The following SLC1A2 variants were observed in gnomAD, a reference collection of about 807,000 sequenced individuals.
The protein encoded by SLC1A2 is solute carrier family 1 member 2.
Under a neutral mutation model 48.8 loss-of-function variants are expected in SLC1A2, and 15 were observed. The ratio of observed to expected loss-of-function variants is 0.31; its 90% CI spans 0.21 to 0.47. The LOEUF (loss-of-function observed/expected upper bound fraction) is 0.47, where lower values mean the gene tolerates loss of function less well. SLC1A2 is among the 20% of genes least tolerant of loss of function. The probability of loss-of-function intolerance (pLI) is 0.99; values close to 1 mark genes in which losing one functional copy is unlikely to be tolerated. For missense variants in SLC1A2, 502 were observed against 730.5 expected (o/e 0.69, Z 3.61); for synonymous variants, 279 against 272.6 (o/e 1.02, Z -0.23).
intron 1 of SLC1A2, among the ~76,000 whole-genome samples, chr11:35,335,595 T>C (rs1740861637): frequency 6.6e-6 from 1 of 152,214 alleles, no homozygotes; most frequent in Admixed American, 6.5e-5. Context: ...AATGTGAGGC[T>C]TCATTTTTTG....
chr11:35,290,648 G>A (rs1479733021), intron 7 of SLC1A2, among the ~76,000 whole-genome samples: 1 of 149,012 alleles, frequency 6.7e-6, no homozygotes, highest in Non-Finnish European at 1.5e-5. Context: ...TATGAGCCTG[G>A]TATGAGATAA....
intron 1 of SLC1A2, among the ~76,000 whole-genome samples, chr11:35,357,923 G>A (rs1853541431): frequency 6.6e-6 from 1 of 152,208 alleles, no homozygotes; most frequent in Admixed American, 6.5e-5. Flanking sequence ...AAGGTGTGCA[G>A]ATCACCAGGT....
At position 35,306,229 on chromosome 11, in the gene SLC1A2, G is replaced by A. The variant is rs146728719; in HGVS notation, c.575C>T (p.Thr192Met). ...CGGTGGTGCAACCAGGACTTTCTTC[G>A]TCACTGTTTGAATCTAACAGAGTGA... is the stretch of plus-strand genomic sequence containing the variant. ...QACFQQIQTV[T>M]KKVLVAPPPD... is the part of the protein sequence containing the mutation. The change falls in exon 5 of 11, where the codon ACG becomes ATG. Residue 192 changes from threonine (T) to methionine (M), a missense_variant. Coordinates refer to ENST00000278379, the MANE Select transcript of SLC1A2 (RefSeq NM_004171.4). 17 of 1,613,020 alleles carry A rather than the reference G, an allele frequency of 1.1e-5. No homozygotes were observed. Among genetic ancestry groups the A allele is most frequent in the East Asian group, 4.5e-5 (2 of 44,852 alleles).
intron 1 of SLC1A2, among the ~76,000 whole-genome samples, chr11:35,329,961 A>C (rs1014571250): frequency 6.6e-6 from 1 of 152,218 alleles, no homozygotes; most frequent in Non-Finnish European, 1.5e-5. Context: ...TACTATTATT[A>C]GTCCTTCTTT....
intron 10 of SLC1A2, among the ~76,000 whole-genome samples, chr11:35,263,816 T>C (rs1373706099): frequency 2.0e-5 from 3 of 152,222 alleles, no homozygotes; most frequent in South Asian, 2.1e-4. Flanking sequence ...TTATAGATAA[T>C]AGGCATTCAA....
At chr11:35,411,398 C>A (rs1246544587) in intron 1 of SLC1A2, among the ~76,000 whole-genome samples, 1 of 152,166 alleles carries the variant, frequency 6.6e-6, no homozygotes, top group East Asian at 1.9e-4. Flanking sequence ...ATGTTGATGT[C>A]CATCCACTTT....
chr11:35,267,362 C>T (rs1850124474), intron 9 of SLC1A2, among the ~76,000 whole-genome samples: 5 of 152,106 alleles, frequency 3.3e-5, no homozygotes, highest in Admixed American at 3.3e-4. Context: ...TAAAAATCTC[C>T]AATACATAAG....
chr11:35,419,494 GC>G lies in SLC1A2; in HGVS notation c.-529del, dbSNP rs1855719268. ...GGCCAGGGAGGGATTGCAAGGTTTA[GC>G]CCCGCCGGAGCTGGGGATTTGCAGG... On this transcript the variant is annotated 5_prime_UTR_variant, in exon 1 of 11. The change abolishes the stop of an existing upstream ORF in the 5' untranslated region. Transcript: ENST00000278379. The surrounding 1 kb of genome is among the most constrained non-coding windows in gnomAD (Gnocchi z 5.4). 1 of 161,032 alleles carries G rather than the reference GC, an allele frequency of 6.2e-6. No homozygotes were observed. Among genetic ancestry groups the G allele is most frequent in the South Asian group, 1.8e-4 (1 of 5,440 alleles). 10.0% of individuals were successfully genotyped at this position (161,032 alleles called of 1,614,324 possible).
chr11:35,319,383 A>C (rs962381333), intron 1 of SLC1A2, among the ~76,000 whole-genome samples: 5 of 152,198 alleles, frequency 3.3e-5, no homozygotes, highest in Admixed American at 2.6e-4. Context: ...AGGAAATGTC[A>C]AACAAAGAAT....
chr11:35,383,101 G>A (rs901525202), intron 1 of SLC1A2, among the ~76,000 whole-genome samples: 1 of 152,204 alleles, frequency 6.6e-6, no homozygotes, highest in African/African-American at 2.4e-5. Flanking sequence ...CAATTGTATA[G>A]TGTAGCCATG....
At chr11:35,314,745 A>G (rs1851816434) in intron 3 of SLC1A2, among the ~76,000 whole-genome samples, 1 of 151,360 alleles carries the variant, frequency 6.6e-6, no homozygotes, top group Admixed American at 6.6e-5. Flanking sequence ...CACTAGAGGT[A>G]TCATCACTTG....
intron 9 of SLC1A2, among the ~76,000 whole-genome samples, chr11:35,269,582 A>T (rs1190501834): frequency 6.6e-6 from 1 of 152,180 alleles, no homozygotes; most frequent in Non-Finnish European, 1.5e-5. Flanking sequence ...GGTTGACATA[A>T]GTTTACAAAC....
chr11:35,348,066 T>G (rs1853104556), intron 1 of SLC1A2, among the ~76,000 whole-genome samples: 1 of 152,194 alleles, frequency 6.6e-6, no homozygotes, highest in Admixed American at 6.5e-5. Flanking sequence ...TTCAGGCCTT[T>G]CTTATTCATG....
intron 6 of SLC1A2, among the ~76,000 whole-genome samples, chr11:35,300,068 A>G (rs1344753290): frequency 1.3e-5 from 2 of 152,238 alleles, no homozygotes; most frequent in East Asian, 3.8e-4. Flanking sequence ...CAGAGCTTCC[A>G]CAATGAGAGA....
At chr11:35,310,384 C>T (rs549150614) in intron 4 of SLC1A2, among the ~76,000 whole-genome samples, 14 of 152,334 alleles carry the variant, frequency 9.2e-5, no homozygotes, top group Admixed American at 5.2e-4. Flanking sequence ...GGGGCAAACA[C>T]GCTATACAGA....
chr11:35,254,518 A>T lies in SLC1A2; in HGVS notation c.*6376T>A, dbSNP rs1486103626. ...ACCAACTTCCTTGGCTAGTGTGTGTATTTGCCCCCTAGCAAAGGCAACAGG... is the reference window on the plus strand; with the variant it reads ...ACCAACTTCCTTGGCTAGTGTGTGTTTTTGCCCCCTAGCAAAGGCAACAGG... On this transcript the variant is annotated 3_prime_UTR_variant, in exon 11 of 11. Coordinates refer to ENST00000278379, the MANE Select transcript of SLC1A2 (RefSeq NM_004171.4). 3 of 293,176 alleles carry T rather than the reference A, an allele frequency of 1.0e-5. No individual in the cohort carries two copies. Among genetic ancestry groups the T allele is most frequent in the Non-Finnish European group, 2.0e-5 (3 of 149,980 alleles). 18.2% of individuals were successfully genotyped at this position (293,176 alleles called of 1,614,324 possible).
In SLC1A2 at chr11:35,286,312, A is replaced by T. The variant is rs139597370; in HGVS notation, c.1286+445T>A. ...CTGGTGATGGAATATTGAAGGGAGC[A>T]TATTTCAGTGAAACAAAAATTGGAT... On this transcript the variant is annotated intron_variant, in intron 8 of 10. Transcript: ENST00000278379. 151 of 153,632 alleles carry T rather than the reference A, an allele frequency of 9.8e-4. 2 individuals carry two copies. Among genetic ancestry groups the T allele is most frequent in the African/African-American group, 3.4e-3 (143 of 41,624 alleles). The allele number at this position is 153,632 out of a possible 1,614,324, so 9.5% of individuals were successfully genotyped here. A position where few individuals can be genotyped will look rare whatever the true frequency, so the allele number is the denominator to read the frequency against.
chr11:35,353,987 A>T (rs1002965780), intron 1 of SLC1A2, among the ~76,000 whole-genome samples: 3 of 152,206 alleles, frequency 2.0e-5, no homozygotes, highest in Non-Finnish European at 4.4e-5. Flanking sequence ...ACCACTGGTT[A>T]AAAATCCTAT....
intron 1 of SLC1A2, among the ~76,000 whole-genome samples, chr11:35,383,884 A>G (rs747233754): frequency 6.6e-5 from 10 of 152,190 alleles, no homozygotes; most frequent in Non-Finnish European, 1.3e-4. Flanking sequence ...CTCACTCAGT[A>G]CATCTATGGT....
Sources: gnomAD v4.1 joint callset for allele counts (sites outside exome capture counted in the v4.1 genomes callset) on GRCh38, gnomAD v4.1.1 for gene constraint, Gnocchi (gnomAD v3.1) non-coding constraint, MANE v1.5 for transcripts, NCBI Gene and HGNC (gene_info 2026-07-23, HGNC 2026-07-21) for gene names.